The following APPL1 variants were observed in gnomAD, a reference collection of about 807,000 sequenced individuals.
APPL1 encodes the protein DCC-interacting protein 13-alpha.
A neutral mutation model predicts 106.8 loss-of-function variants in APPL1; 42 were observed. The ratio of observed to expected loss-of-function variants is 0.39; its 90% CI spans 0.31 to 0.51. The LOEUF is 0.51. APPL1 is among the 20% of genes least tolerant of loss of function. The probability of loss-of-function intolerance (pLI) is 0.75; values close to 1 mark genes in which losing one functional copy is unlikely to be tolerated. For missense variants in APPL1, 769 were observed against 858.2 expected (o/e 0.90, Z 1.30); for synonymous variants, 263 against 281.8 (o/e 0.93, Z 0.67).
chr3:57,241,919 G>A (rs2060748371), intron 5 of APPL1, among the ~76,000 whole-genome samples, 182 bp from the exon 6 acceptor site: 5 of 152,158 alleles, frequency 3.3e-5, no homozygotes, highest in African/African-American at 1.2e-4. Context: ...TGGTGTAACT[G>A]TTGCTAATGA....
At chr3:57,246,272 T>A in intron 8 of APPL1, 50 bp downstream of exon 8, 1 of 1,338,966 alleles carries the variant, frequency 7.5e-7, no homozygotes, top group Non-Finnish European at 9.8e-7. Context: ...AGTTTTATAT[T>A]AAGCTTGATA....
intron 7 of APPL1, among the ~76,000 whole-genome samples, chr3:57,245,296 G>T (rs1418193938): frequency 6.6e-6 from 1 of 152,238 alleles, no homozygotes; most frequent in East Asian, 1.9e-4. Flanking sequence ...CTGAATAAAA[G>T]AACTCTAGGG....
At chr3:57,233,247 T>G (rs1224789137) in intron 1 of APPL1, among the ~76,000 whole-genome samples, 1 of 152,070 alleles carries the variant, frequency 6.6e-6, no homozygotes, top group African/African-American at 2.4e-5. Context: ...AAAATGAAAA[T>G]GATGCATCTT....
At chr3:57,234,774 G>C (rs752785521) in intron 1 of APPL1, among the ~76,000 whole-genome samples, 1 of 151,970 alleles carries the variant, frequency 6.6e-6, no homozygotes, top group Non-Finnish European at 1.5e-5. Flanking sequence ...TCTTGCCTCA[G>C]CCTCCTGAGT....
chr3:57,260,716 G>C lies in APPL1; in HGVS notation c.1784G>C (p.Ser595Thr). The change falls in exon 19 of 22, where the codon AGT becomes ACT. Residue 595 changes from serine (S) to threonine (T), a missense_variant. Coordinates refer to ENST00000288266, the MANE Select transcript of APPL1 (RefSeq NM_012096.3). ...GTTCTTCGGACATCAAGCGGGAGAA[G>C]TGAAAGTAATCTGTCATCAGTCTGC... ...GFVLRTSSGR[S>T]ESNLSSVCYI... The C allele has an allele frequency of 6.2e-7, 1 of 1,612,738 alleles. No individual in the cohort carries two copies. The highest frequency in any genetic ancestry group is 8.5e-7 in the Non-Finnish European group (1 of 1,179,178).
intron 13 of APPL1, among the ~76,000 whole-genome samples, chr3:57,254,397 A>G (rs1212839321): frequency 1.3e-5 from 2 of 152,240 alleles, no homozygotes; most frequent in Non-Finnish European, 2.9e-5. Context: ...CATTTCAGAT[A>G]AAACAGGATG....
rs192952562 is a variant in APPL1 at position 57,253,423 on chromosome 3, A to C, written c.1096-259A>C. Among the ~76,000 whole-genome samples, 1,369 of 152,106 alleles carry C rather than the reference A, an allele frequency of 9.0e-3. 12 individuals carry two copies. Among genetic ancestry groups the C allele is most frequent in the Non-Finnish European group, 0.015 (1,013 of 67,976 alleles). ...TTACATAAATCTACTAAATGTTTTC[A>C]TATATTTAAATAATAAAAATGTTGA... On this transcript the variant is annotated intron_variant, in intron 12 of 21. Coordinates refer to ENST00000288266, the MANE Select transcript of APPL1 (RefSeq NM_012096.3).
chr3:57,263,951 T>C (rs2060881758), intron 19 of APPL1, among the ~76,000 whole-genome samples: 1 of 152,186 alleles, frequency 6.6e-6, no homozygotes, highest in South Asian at 2.1e-4. Flanking sequence ...TTTTAGTTTT[T>C]TGAGGAACCT....
chr3:57,252,230 T>C (rs751565755), intron 11 of APPL1, 39 bp from the exon 12 acceptor site: 65 of 1,556,794 alleles, frequency 4.2e-5, no homozygotes, highest in Non-Finnish European at 5.6e-5. Flanking sequence ...GAAAATACTT[T>C]TTTAAACAGT....
Position 57,228,115 on chromosome 3 carries a change from G to T in APPL1, c.54+178G>T, listed in dbSNP as rs2060663078. On this transcript the variant is annotated intron_variant, in intron 1 of 21. Transcript: ENST00000288266. The surrounding 1 kb of genome is among the most constrained non-coding windows in gnomAD (Gnocchi z 4.6). ...GTGGAGGCTGGGCCCGCCGCCCAAGGCCCGCGTGGGCCTGCTCGGCTGGGC... is the reference window on the plus strand; with the variant it reads ...GTGGAGGCTGGGCCCGCCGCCCAAGTCCCGCGTGGGCCTGCTCGGCTGGGC... Among the ~76,000 whole-genome samples, 1 of 151,900 alleles carries T rather than the reference G, an allele frequency of 6.6e-6. No individual in the cohort carries two copies.
chr3:57,258,476 G>C (rs2060848938), intron 15 of APPL1, among the ~76,000 whole-genome samples: 1 of 152,160 alleles, frequency 6.6e-6, no homozygotes, highest in Admixed American at 6.5e-5. Context: ...AACCTACTTT[G>C]AGTTGTACTT....
rs938564463 is a variant in APPL1 at position 57,228,521 on chromosome 3, T to TGTG, written c.54+585_54+587dup. On this transcript the variant is annotated intron_variant, in intron 1 of 21. Coordinates refer to ENST00000288266, the MANE Select transcript of APPL1 (RefSeq NM_012096.3). The surrounding 1 kb of genome is among the most constrained non-coding windows in gnomAD (Gnocchi z 4.6). The stretch of plus-strand genomic sequence containing the variant: ...TGACTGTGGTCGCTGTCACTCGAGC[T>TGTG]GTGCACGGCGAGGGATGGACGGTGC... 8.5e-5 allele frequency among the ~76,000 whole-genome samples: 13 copies of TGTG among 152,198 alleles called. No homozygotes were observed. The highest frequency in any genetic ancestry group is 1.6e-4 in the Non-Finnish European group (11 of 68,032).
chr3:57,231,973 A>G (rs555937395), intron 1 of APPL1, among the ~76,000 whole-genome samples: 2 of 152,302 alleles, frequency 1.3e-5, no homozygotes, highest in South Asian at 4.1e-4. Context: ...TACTGCCTGG[A>G]ACCTAGGTGG....
chr3:57,250,936 T>C (rs1479909664), intron 11 of APPL1, among the ~76,000 whole-genome samples: 3 of 148,572 alleles, frequency 2.0e-5, no homozygotes, highest in African/African-American at 7.4e-5. Flanking sequence ...GCCTCCCGAG[T>C]AGCTGGGACT....
chr3:57,234,264 T>G (rs2060703984), intron 1 of APPL1, among the ~76,000 whole-genome samples: 1 of 151,984 alleles, frequency 6.6e-6, no homozygotes, highest in Non-Finnish European at 1.5e-5. Context: ...TAGCCTTAGT[T>G]TCCTTATCTT....
At position 57,260,015 on chromosome 3, in the gene APPL1, TTAAAG is replaced by T. The variant is rs759488557; in HGVS notation, c.1658_1658+4del. 6.2e-6 allele frequency: 10 copies of T among 1,612,910 alleles called. No homozygotes were observed. The highest frequency in any genetic ancestry group is 2.2e-5 in the East Asian group (1 of 44,862). The stretch of plus-strand genomic sequence containing the variant: ...GCATTTATTAGTCACTTGTGACTGT[TTAAAG>T]TAAGTAAAACCCTCCCTTAAAAAAC... On this transcript the variant is annotated splice_donor_variant and coding_sequence_variant, in exon 17 of 22. Transcript: ENST00000288266. LOFTEE classifies it high-confidence loss of function.
At chr3:57,253,821 C>T in intron 13 of APPL1, 83 bp downstream of exon 13, 4 of 1,075,124 alleles carry the variant, frequency 3.7e-6, no homozygotes, top group Non-Finnish European at 3.7e-6. Flanking sequence ...TTCATAATTT[C>T]TCAGGTTCTG....
intron 3 of APPL1, 75 bp downstream of exon 3, chr3:57,237,626 C>T: frequency 9.3e-7 from 1 of 1,077,132 alleles, no homozygotes; most frequent in South Asian, 1.7e-5. Flanking sequence ...CAACAAGAAT[C>T]CTTAAGTTTT....
In APPL1 at chr3:57,248,725, C is replaced by T. The variant is rs373958072; in HGVS notation, c.863+374C>T. Among the ~76,000 whole-genome samples the T allele has an allele frequency of 2.6e-5, 4 of 152,116 alleles. No individual in the cohort carries two copies. In the East Asian group the frequency reaches 5.8e-4, roughly 22 times the overall value. ...CCTCTACTAAAAATACAAAAATTAGCTGAGCATGGTGGCTTACACCTGTAA... is the reference window on the plus strand; with the variant it reads ...CCTCTACTAAAAATACAAAAATTAGTTGAGCATGGTGGCTTACACCTGTAA... On this transcript the variant is annotated intron_variant, in intron 10 of 21. Transcript: ENST00000288266.
Sources: allele counts gnomAD v4.1 joint callset (sites outside exome capture counted in the v4.1 genomes callset), GRCh38; gene constraint gnomAD v4.1.1; non-coding constraint Gnocchi (gnomAD v3.1); transcripts MANE v1.5; gene names NCBI Gene and HGNC (gene_info 2026-07-23, HGNC 2026-07-21).